The following CWC27 variants were observed in gnomAD, a reference collection of about 807,000 sequenced individuals.
CWC27 encodes the protein CWC27 spliceosome associated cyclophilin, also known as spliceosome-associated protein CWC27 homolog.
A neutral mutation model predicts 63.6 loss-of-function variants in CWC27; 47 were observed. That is an observed-to-expected ratio of 0.74 (90% CI 0.58 to 0.94). The LOEUF is 0.94. CWC27 is among the 40% of genes least tolerant of loss of function. The pLI is 0.00. For missense variants in CWC27, 495 were observed against 554.3 expected, an observed-to-expected ratio of 0.89 and a Z score of 1.07; for synonymous variants, 175 against 179.8, an observed-to-expected ratio of 0.97 and a Z score of 0.22.
At chr5:64,792,191 T>C (rs577678281) in intron 7 of CWC27, among the ~76,000 whole-genome samples, 60 of 152,260 alleles carry the variant, frequency 3.9e-4, no homozygotes, top group African/African-American at 1.4e-3. Context: ...TTGTTAAACT[T>C]TCCTGGTGAT....
Position 64,781,917 on chromosome 5 carries a change from TC to T in CWC27, c.140-3del. On this transcript the variant is annotated splice_region_variant and splice_polypyrimidine_tract_variant and intron_variant, in intron 2 of 13. Coordinates refer to ENST00000381070, the MANE Select transcript of CWC27 (RefSeq NM_005869.4). ...TTGATAAATTATTTTTATTTTTTTT[TC>T]AGCTTATTATGACAATACCATTTTT... 1 of 1,466,374 alleles carries T rather than the reference TC, an allele frequency of 6.8e-7. No homozygotes were observed. The highest frequency in any genetic ancestry group is 9.4e-7 in the Non-Finnish European group (1 of 1,060,680). 90.8% of individuals were successfully genotyped at this position (1,466,374 alleles called of 1,614,324 possible). A position where few individuals can be genotyped will look rare whatever the true frequency, so the allele number is the denominator to read the frequency against.
intron 10 of CWC27, among the ~76,000 whole-genome samples, chr5:64,833,885 A>G (rs1745592223): frequency 6.6e-6 from 1 of 151,588 alleles, no homozygotes; most frequent in African/African-American, 2.4e-5. Context: ...CTTCTGATTG[A>G]AAGTAAAAGT....
chr5:64,805,241 C>A (rs1268422018), intron 10 of CWC27, among the ~76,000 whole-genome samples: 1 of 151,510 alleles, frequency 6.6e-6, no homozygotes, highest in African/African-American at 2.4e-5. Flanking sequence ...CCAGAAATTT[C>A]CACTAAAAGC....
rs1237771202 is a variant in CWC27 at position 64,970,534 on chromosome 5, A to G, written c.1043-1169A>G. On this transcript the variant is annotated intron_variant, in intron 11 of 13. Coordinates refer to ENST00000381070, the MANE Select transcript of CWC27 (RefSeq NM_005869.4). ...GCCGAAAGTAATTTTTAAACCTACTATAAGAATCACTTCATGTATACCAGT... is the reference window on the plus strand; with the variant it reads ...GCCGAAAGTAATTTTTAAACCTACTGTAAGAATCACTTCATGTATACCAGT... Among the ~76,000 whole-genome samples the G allele has an allele frequency of 5.3e-5, 8 of 152,190 alleles. 1 individual carries two copies. Among genetic ancestry groups the G allele is most frequent in the Admixed American group, 3.3e-4 (5 of 15,282 alleles).
chr5:64,892,653 A>G (rs12653688), intron 11 of CWC27, among the ~76,000 whole-genome samples: 55,382 of 151,936 alleles, frequency 0.36, 10,698 homozygotes, highest in East Asian at 0.52. Context: ...TAAGGGGGCA[A>G]CTTGCTTTAG....
intron 10 of CWC27, among the ~76,000 whole-genome samples, chr5:64,867,960 G>T (rs1441510206): frequency 2.0e-5 from 3 of 151,694 alleles, no homozygotes; most frequent in Non-Finnish European, 4.4e-5. Flanking sequence ...TGTTGTTGTT[G>T]TTGTTGTTGT....
intron 11 of CWC27, among the ~76,000 whole-genome samples, chr5:64,938,730 T>G (rs1748412218): frequency 6.6e-6 from 1 of 152,222 alleles, no homozygotes; most frequent in African/African-American, 2.4e-5. Context: ...TCCCCATCAC[T>G]TTCAGGTACA....
intron 11 of CWC27, among the ~76,000 whole-genome samples, chr5:64,931,722 A>T (rs1329972242): frequency 6.6e-6 from 1 of 152,032 alleles, no homozygotes; most frequent in Admixed American, 6.6e-5. Context: ...ATGTGTATAT[A>T]GCCACTAAAA....
intron 11 of CWC27, among the ~76,000 whole-genome samples, chr5:64,889,658 G>C (rs556264535): frequency 0.014 from 2,093 of 152,296 alleles, 28 homozygotes; most frequent in African/African-American, 0.038. Context: ...GGGCGCGGTG[G>C]CTCACGCCTG....
chr5:65,009,703 G>C (rs1249324054), intron 13 of CWC27, among the ~76,000 whole-genome samples: 1 of 152,186 alleles, frequency 6.6e-6, no homozygotes, highest in Admixed American at 6.5e-5. Context: ...GACACAGTGA[G>C]AAGGCAGGCA....
At chr5:64,871,111 T>TA (rs1483820770) in intron 10 of CWC27, among the ~76,000 whole-genome samples, 1 of 152,136 alleles carries the variant, frequency 6.6e-6, no homozygotes, top group Non-Finnish European at 1.5e-5. Flanking sequence ...AAATTGCAGC[T>TA]TTAGGCAATC....
At chr5:64,865,904 T>C (rs1386209955) in intron 10 of CWC27, among the ~76,000 whole-genome samples, 2 of 152,080 alleles carry the variant, frequency 1.3e-5, no homozygotes, top group African/African-American at 2.4e-5. Context: ...TCTGCTTATT[T>C]TGAAGTCTTC....
intron 11 of CWC27, among the ~76,000 whole-genome samples, chr5:64,934,120 T>C (rs140894178): frequency 6.4e-4 from 98 of 152,322 alleles, no homozygotes; most frequent in African/African-American, 2.4e-3. Context: ...GTTTGTATTA[T>C]ACTTTAAGTT....
In CWC27 at chr5:64,911,636, G is replaced by T. The variant is rs369448075; in HGVS notation, c.1042+26090G>T. Reference sequence around the variant, plus strand: ...GAGGGTATAGTGGTGAGTCTAAAAGGTACTGTGGTGTTTTTAACAGTCTCT... The same window carrying T: ...GAGGGTATAGTGGTGAGTCTAAAAGTTACTGTGGTGTTTTTAACAGTCTCT... On this transcript the variant is annotated intron_variant, in intron 11 of 13. Transcript: ENST00000381070. 7.2e-5 allele frequency among the ~76,000 whole-genome samples: 11 copies of T among 152,266 alleles called. No homozygotes were observed. In the East Asian group the frequency reaches 2.1e-3, roughly 29 times the overall value.
chr5:64,974,375 T>A (rs1341107113), intron 12 of CWC27, among the ~76,000 whole-genome samples: 1 of 151,688 alleles, frequency 6.6e-6, no homozygotes, highest in African/African-American at 2.4e-5. Flanking sequence ...GCTGAGGAGG[T>A]CTCACAATCA....
chr5:64,880,852 C>G (rs1746916281), intron 10 of CWC27, among the ~76,000 whole-genome samples: 1 of 89,814 alleles, frequency 1.1e-5, no homozygotes, highest in Non-Finnish European at 2.3e-5. Context: ...TTTATAAAAG[C>G]CATTTTTTTT....
At chr5:64,934,923 A>G (rs949264385) in intron 11 of CWC27, among the ~76,000 whole-genome samples, 2 of 152,044 alleles carry the variant, frequency 1.3e-5, no homozygotes, top group African/African-American at 4.8e-5. Flanking sequence ...ATCTGTTCAT[A>G]TCCTTTTCCC....
At chr5:64,807,253 T>A (rs1021610671) in intron 10 of CWC27, among the ~76,000 whole-genome samples, 2 of 152,230 alleles carry the variant, frequency 1.3e-5, no homozygotes, top group African/African-American at 4.8e-5. Flanking sequence ...GTATTGCTTC[T>A]ATTGGTAAGG....
intron 10 of CWC27, chr5:64,807,519 A>G (rs1457411840): frequency 4.9e-6 from 7 of 1,437,264 alleles, no homozygotes; most frequent in Middle Eastern, 2.5e-4. Context: ...CGGCACCCTT[A>G]TATCTATTCT....
Sources: allele counts gnomAD v4.1 joint callset (sites outside exome capture counted in the v4.1 genomes callset), GRCh38; gene constraint gnomAD v4.1.1; transcripts MANE v1.5; gene names NCBI Gene and HGNC (gene_info 2026-07-23, HGNC 2026-07-21).